The following MS4A3 variants were observed in gnomAD, a reference collection of about 807,000 sequenced individuals.
MS4A3 encodes membrane-spanning 4-domains subfamily A member 3.
MS4A3 carries 18 observed loss-of-function variants against 24.7 expected under a neutral mutation model. The ratio of observed to expected loss-of-function variants is 0.73; its 90% CI spans 0.50 to 1.08. MS4A3 has a LOEUF of 1.08. Ranked by LOEUF, MS4A3 falls within the 50% of genes least tolerant of loss-of-function variation. The pLI is 0.00. For synonymous variants in MS4A3, 84 were observed against 95.3 expected, an observed-to-expected ratio of 0.88 and a Z score of 0.69; for missense variants, 282 against 251.7, an observed-to-expected ratio of 1.12 and a Z score of -0.82.
chr11:60,060,325 T>C (rs1048885457), intron 1 of MS4A3, among the ~76,000 whole-genome samples: 1 of 152,172 alleles, frequency 6.6e-6, no homozygotes, highest in African/African-American at 2.4e-5. Context: ...TACAAGGTCA[T>C]GCAACTAGTA....
chr11:60,062,776 A>G (rs1855298043), intron 3 of MS4A3, 171 bp downstream of exon 3: 1 of 447,012 alleles, frequency 2.2e-6, no homozygotes, highest in East Asian at 4.0e-5. Context: ...TTTATTTTTT[A>G]ATTTAATTAA....
chr11:60,057,933 T>C (rs1434758893), intron 1 of MS4A3, among the ~76,000 whole-genome samples: 1 of 152,202 alleles, frequency 6.6e-6, no homozygotes, highest in Non-Finnish European at 1.5e-5. Context: ...TTTATCAGGA[T>C]GGCTACCTTG....
At chr11:60,067,440 C>T (rs1264249471) in intron 5 of MS4A3, among the ~76,000 whole-genome samples, 2 of 151,924 alleles carry the variant, frequency 1.3e-5, no homozygotes, top group African/African-American at 2.4e-5. Context: ...TGGTCTTGAT[C>T]TCCTGACCTC....
At chr11:60,059,740 C>T (rs566353674) in intron 1 of MS4A3, among the ~76,000 whole-genome samples, 25 of 152,264 alleles carry the variant, frequency 1.6e-4, no homozygotes, top group Middle Eastern at 3.4e-3. Flanking sequence ...GCATAGTATT[C>T]CACAGTGTGT....
chr11:60,069,758 T>C, intron 6 of MS4A3, 83 bp downstream of exon 6: 1 of 983,338 alleles, frequency 1.0e-6, no homozygotes, highest in Non-Finnish European at 1.6e-6. Context: ...TGCTTAGAAA[T>C]AAACCTTTAT....
chr11:60,067,860 A>G (rs1173994261), intron 5 of MS4A3, among the ~76,000 whole-genome samples: 2 of 151,640 alleles, frequency 1.3e-5, no homozygotes, highest in African/African-American at 4.8e-5. Flanking sequence ...ACCCTGGCCA[A>G]CATGGTGAAA....
chr11:60,069,607 C>T lies in MS4A3; in HGVS notation c.547C>T (p.Leu183=). 1 of 1,613,462 alleles carries T rather than the reference C, an allele frequency of 6.2e-7. No individual in the cohort carries two copies. Among genetic ancestry groups the T allele is most frequent in the Non-Finnish European group, 8.5e-7 (1 of 1,179,586 alleles). ...MVSLLLILTL[L]ELCVTISTIA... ...GTCTCTACTGCTGATTCTCACCTTG[C>T]TGGAATTATGCGTAACCATCTCTAC... is the stretch of plus-strand genomic sequence containing the variant. Residue 183 remains leucine (L), a synonymous_variant, in exon 6 of 7, where the codon CTG becomes TTG. Transcript: ENST00000278865.
chr11:60,064,162 T>C, intron 3 of MS4A3, 100 bp from the exon 4 acceptor site: 1 of 710,812 alleles, frequency 1.4e-6, no homozygotes, highest in Non-Finnish European at 2.3e-6. Context: ...GGGAGGTTTG[T>C]ATGACTATTG....
At chr11:60,057,977 T>C (rs1182905167) in intron 1 of MS4A3, among the ~76,000 whole-genome samples, 4 of 152,158 alleles carry the variant, frequency 2.6e-5, no homozygotes, top group Non-Finnish European at 5.9e-5. Flanking sequence ...TGATTGAACA[T>C]GTGTGTTAAC....
Position 60,066,911 on chromosome 11 carries a change from G to A in MS4A3, c.352-40G>A, listed in dbSNP as rs374901403. On this transcript the variant is annotated intron_variant, in intron 4 of 6. Transcript: ENST00000278865. ...AATTGTTGCCAAAGGAATGAAGTACGTGCTGCATATATTAATTGAAAATTC... is the reference window on the plus strand; with the variant it reads ...AATTGTTGCCAAAGGAATGAAGTACATGCTGCATATATTAATTGAAAATTC... 3.1e-5 allele frequency: 45 copies of A among 1,468,262 alleles called. No individual in the cohort carries two copies. The East Asian group carries it at 8.9e-4, about 29-fold the overall frequency. 91.0% of individuals were successfully genotyped at this position (1,468,262 alleles called of 1,614,324 possible).
Position 60,062,730 on chromosome 11 carries a change from T to A in MS4A3, c.294+125T>A, listed in dbSNP as rs1367667933. The A allele has an allele frequency of 9.4e-6, 8 of 846,894 alleles. No homozygotes were observed. The Admixed American group carries it at 1.1e-4, about 12-fold the overall frequency. The allele number at this position is 846,894 out of a possible 1,614,324, so 52.5% of individuals were successfully genotyped here. On this transcript the variant is annotated intron_variant, in intron 3 of 6. Transcript: ENST00000278865. Reference sequence around the variant, plus strand: ...TGCATGCTGTGGTTTTGATTTGCAATTCTTGATATAAACAATTAGAGACGA... The same window carrying A: ...TGCATGCTGTGGTTTTGATTTGCAAATCTTGATATAAACAATTAGAGACGA...
chr11:60,062,380 C>A, intron 2 of MS4A3, 88 bp from the exon 3 acceptor site: 3 of 1,509,070 alleles, frequency 2.0e-6, no homozygotes, highest in South Asian at 1.2e-5. Flanking sequence ...GCACCGACAT[C>A]TCCTTTCTGA....
At position 60,066,990 on chromosome 11, in the gene MS4A3, A is replaced by G. The variant is rs137919631; in HGVS notation, c.391A>G (p.Ile131Val). ...SFGMNIASAT[I>V]ALVGTAFLSL... is the part of the protein sequence containing the mutation. ...TGGAATGAACATTGCCAGTGCTACA[A>G]TTGCACTAGTGGGGACTGCTTTTCT... is the stretch of plus-strand genomic sequence containing the variant. Residue 131 changes from isoleucine (I) to valine (V), a missense_variant, in exon 5 of 7, where the codon ATT becomes GTT. By Grantham distance (29) the Ile-to-Val change is conservative (BLOSUM62 3). Transcript: ENST00000278865. The G allele has an allele frequency of 1.5e-5, 24 of 1,609,162 alleles. No homozygotes were observed. The highest frequency in any genetic ancestry group is 8.0e-5 in the African/African-American group (6 of 74,602).
Position 60,061,127 on chromosome 11 carries a change from G to A in MS4A3, c.-15-19G>A. ...AAAAAGGGAAAGCATGAAGGCTTTG[G>A]ATTTCTTTTCTATCACAGCCATAAA... On this transcript the variant is annotated intron_variant, in intron 1 of 6. Transcript: ENST00000278865. The A allele has an allele frequency of 2.0e-6, 3 of 1,537,104 alleles. No individual in the cohort carries two copies. Among genetic ancestry groups the A allele is most frequent in the Non-Finnish European group, 2.6e-6 (3 of 1,145,712 alleles).
intron 5 of MS4A3, among the ~76,000 whole-genome samples, chr11:60,069,233 C>T (rs1312635311): frequency 6.6e-6 from 1 of 152,124 alleles, no homozygotes; most frequent in African/African-American, 2.4e-5. Flanking sequence ...GTTCATTTTT[C>T]TAAACTGCCT....
intron 5 of MS4A3, among the ~76,000 whole-genome samples, chr11:60,068,556 T>C (rs1334605277): frequency 6.6e-6 from 1 of 151,918 alleles, no homozygotes; most frequent in Non-Finnish European, 1.5e-5. Context: ...CCAGCCAACC[T>C]TACCAATTTT....
chr11:60,062,442 CG>C (rs1855291311), intron 2 of MS4A3, 25 bp from the exon 3 acceptor site: 5 of 1,613,586 alleles, frequency 3.1e-6, no homozygotes, highest in Non-Finnish European at 4.2e-6. Context: ...ATGACTGTTA[CG>C]CCTTTTTCCC....
intron 2 of MS4A3, 104 bp from the exon 3 acceptor site, chr11:60,062,364 T>C (rs1289704868): frequency 1.4e-6 from 2 of 1,407,778 alleles, no homozygotes; most frequent in East Asian, 4.6e-5. Flanking sequence ...ACTTTAACCA[T>C]TTCAAGCACC....
At chr11:60,069,746 G>C (rs1855445622) in intron 6 of MS4A3, 71 bp downstream of exon 6, 3 of 1,126,594 alleles carry the variant, frequency 2.7e-6, no homozygotes, top group East Asian at 2.4e-5. Context: ...AGTTGTTTCT[G>C]ATGCTTAGAA....
Sources: allele counts gnomAD v4.1 joint callset (sites outside exome capture counted in the v4.1 genomes callset), GRCh38; gene constraint gnomAD v4.1.1; transcripts MANE v1.5; gene names NCBI Gene and HGNC (gene_info 2026-07-23, HGNC 2026-07-21).